Variants in AGMO observed in about 807,000 individuals in gnomAD.
The protein encoded by AGMO is alkylglycerol monooxygenase.
AGMO carries 75 observed loss-of-function variants against 60.2 expected under a neutral mutation model. The ratio of observed to expected loss-of-function variants is 1.25; its 90% CI spans 1.03 to 1.51. The LOEUF (loss-of-function observed/expected upper bound fraction) is 1.51, where lower values mean the gene tolerates loss of function less well. Among genes scored for constraint, AGMO ranks in the 40% most tolerant of loss-of-function variants. The pLI is 0.00. For missense variants in AGMO, 763 were observed against 525.5 expected (o/e 1.45, Z -4.42); for synonymous variants, 261 against 177.1 (o/e 1.47, Z -3.76).
Position 15,390,326 on chromosome 7 carries a change from T to C in AGMO, c.822+345A>G, listed in dbSNP as rs150982634. On this transcript the variant is annotated intron_variant, in intron 8 of 12. Coordinates refer to ENST00000342526, the MANE Select transcript of AGMO (RefSeq NM_001004320.2). The stretch of plus-strand genomic sequence containing the variant: ...TCATGCACCCTGGAAGCAAATATTT[T>C]TCTTACTGCGGGATCAGCCTTAATT... Among the ~76,000 whole-genome samples, 321 of 152,324 alleles carry C rather than the reference T, an allele frequency of 2.1e-3. 5 individuals are homozygous for C. Among genetic ancestry groups the C allele is most frequent in the Non-Finnish European group, 8.8e-4 (60 of 68,038 alleles).
At chr7:15,121,407 A>AC in the AGMO span, among the ~76,000 whole-genome samples, 2 of 152,130 alleles carry the variant, frequency 1.3e-5, no homozygotes, top group Non-Finnish European at 2.9e-5. Flanking sequence ...ACTGTCTTCC[A>AC]CAATGGTTGA....
At chr7:15,342,968 ACT>A (rs995268492) in intron 12 of AGMO, among the ~76,000 whole-genome samples, 1 of 151,726 alleles carries the variant, frequency 6.6e-6, no homozygotes, top group African/African-American at 2.4e-5. Context: ...AATGGAGCAG[ACT>A]CTTGATAGTA....
At chr7:15,216,465 T>C (rs1781740823) in intron 12 of AGMO, among the ~76,000 whole-genome samples, 1 of 152,088 alleles carries the variant, frequency 6.6e-6, no homozygotes, top group African/African-American at 2.4e-5. Flanking sequence ...AGAGCCTTGA[T>C]TTTCACACTG....
chr7:15,539,595 T>G (rs138354494), intron 3 of AGMO, among the ~76,000 whole-genome samples: 3,884 of 152,288 alleles, frequency 0.026, 151 homozygotes, highest in African/African-American at 0.088. Context: ...AGTGCTGCAT[T>G]GAACATACAC....
chr7:15,440,083 A>G (rs1315371043), intron 3 of AGMO, among the ~76,000 whole-genome samples: 1 of 152,242 alleles, frequency 6.6e-6, no homozygotes, highest in Non-Finnish European at 1.5e-5. Context: ...CTGCAAAAAC[A>G]GAGAAAGAGA....
chr7:15,334,318 T>C (rs1263823105), intron 12 of AGMO, among the ~76,000 whole-genome samples: 1 of 151,966 alleles, frequency 6.6e-6, no homozygotes, highest in Non-Finnish European at 1.5e-5. Flanking sequence ...TGAGTTTTTT[T>C]TTTTTTTAAA....
intron 3 of AGMO, among the ~76,000 whole-genome samples, chr7:15,481,993 C>G (rs1782766471): frequency 1.3e-5 from 2 of 151,792 alleles, no homozygotes; most frequent in South Asian, 4.1e-4. Flanking sequence ...TAAAACATAA[C>G]ATATCACAAA....
chr7:15,486,154 T>A (rs1381531880), intron 3 of AGMO, among the ~76,000 whole-genome samples: 1 of 152,052 alleles, frequency 6.6e-6, no homozygotes, highest in Non-Finnish European at 1.5e-5. Flanking sequence ...TACAGAGGTG[T>A]TGCTATTACA....
intron 12 of AGMO, among the ~76,000 whole-genome samples, chr7:15,282,819 G>C (rs1335761108): frequency 6.6e-6 from 1 of 152,010 alleles, no homozygotes; most frequent in Non-Finnish European, 1.5e-5. Context: ...ATGAAGGAAA[G>C]AATTCTAAGA....
intron 6 of AGMO, 28 bp downstream of exon 6, chr7:15,394,085 A>G (rs754063976): frequency 3.2e-6 from 5 of 1,547,914 alleles, no homozygotes; most frequent in Non-Finnish European, 4.4e-6. Flanking sequence ...GAAATGAAGA[A>G]AAGAGAGAAG....
chr7:15,339,510 A>G (rs1285629933), intron 12 of AGMO, among the ~76,000 whole-genome samples: 1 of 152,220 alleles, frequency 6.6e-6, no homozygotes, highest in Non-Finnish European at 1.5e-5. Context: ...ATTATGTCAG[A>G]AGAGTCTGCT....
At chr7:15,395,603 GA>G (rs1363702804) in intron 5 of AGMO, among the ~76,000 whole-genome samples, 1 of 151,968 alleles carries the variant, frequency 6.6e-6, no homozygotes, top group Non-Finnish European at 1.5e-5. Context: ...TTTTGGCAAT[GA>G]AAAAACAAAG....
chr7:15,364,220 T>C (rs1359092046), intron 12 of AGMO, among the ~76,000 whole-genome samples: 4 of 151,978 alleles, frequency 2.6e-5, no homozygotes, highest in Admixed American at 1.3e-4. Context: ...GCTTCTTCCT[T>C]TCTTCTAACC....
intron 12 of AGMO, among the ~76,000 whole-genome samples, chr7:15,240,613 A>G (rs1229773935): frequency 6.6e-6 from 1 of 152,224 alleles, no homozygotes; most frequent in East Asian, 1.9e-4. Context: ...TGAGAATGTT[A>G]TATAAAACAA....
chr7:15,155,688 T>C, the AGMO span, among the ~76,000 whole-genome samples: 1 of 151,996 alleles, frequency 6.6e-6, no homozygotes, highest in African/African-American at 2.4e-5. Flanking sequence ...GTGCGGTCAT[T>C]TGGAGGTAAA....
chr7:15,162,299 C>T, the AGMO span, among the ~76,000 whole-genome samples: 4 of 152,040 alleles, frequency 2.6e-5, no homozygotes, highest in Non-Finnish European at 5.9e-5. Flanking sequence ...ACTAATACAC[C>T]TTTAATAATT....
the AGMO span, among the ~76,000 whole-genome samples, chr7:15,188,306 A>G: frequency 5.3e-3 from 808 of 152,342 alleles, 4 homozygotes; most frequent in South Asian, 0.01. Flanking sequence ...AGAAAAGAGT[A>G]TATTACTATT....
chr7:15,507,226 A>G (rs1339219659), intron 3 of AGMO, among the ~76,000 whole-genome samples: 3 of 152,078 alleles, frequency 2.0e-5, no homozygotes, highest in African/African-American at 4.8e-5. Flanking sequence ...GGAATCTACT[A>G]AAGAACAAGC....
intron 12 of AGMO, among the ~76,000 whole-genome samples, chr7:15,309,629 T>C (rs1212600883): frequency 2.6e-5 from 4 of 152,262 alleles, no homozygotes; most frequent in South Asian, 2.1e-4. Context: ...CTATATAATG[T>C]AGTAATATTG....
Sources: allele counts gnomAD v4.1 joint callset (sites outside exome capture counted in the v4.1 genomes callset), GRCh38; gene constraint gnomAD v4.1.1; transcripts MANE v1.5; gene names NCBI Gene and HGNC (gene_info 2026-07-23, HGNC 2026-07-21).